Variants in DLC1 observed in about 807,000 individuals in gnomAD.
DLC1 encodes the protein rho GTPase-activating protein 7.
Under a neutral mutation model 140.3 loss-of-function variants are expected in DLC1, and 54 were observed. The ratio of observed to expected loss-of-function variants is 0.38; its 90% confidence interval spans 0.31 to 0.48. The LOEUF is 0.48. DLC1 is among the 20% of genes least tolerant of loss of function. The probability of loss-of-function intolerance (pLI) is 0.96; values close to 1 mark genes in which losing one functional copy is unlikely to be tolerated. For synonymous variants in DLC1, 986 were observed against 728.1 expected (o/e 1.35, Z -5.70); for missense variants, 2,536 against 1,907.0 (o/e 1.33, Z -6.14).
chr8:13,543,354 C>G (rs1169344149), intron 1 of DLC1, among the ~76,000 whole-genome samples: 1 of 152,050 alleles, frequency 6.6e-6, no homozygotes. Flanking sequence ...ATAGTTTAGA[C>G]CTAATAGCTA....
At chr8:13,168,368 A>G (rs985068075) in intron 5 of DLC1, among the ~76,000 whole-genome samples, 1 of 152,200 alleles carries the variant, frequency 6.6e-6, no homozygotes, top group Non-Finnish European at 1.5e-5. Flanking sequence ...ATCTCGTTCC[A>G]GTTGTACTTC....
At chr8:13,097,496 T>A (rs1349164828) in intron 10 of DLC1, among the ~76,000 whole-genome samples, 1 of 152,044 alleles carries the variant, frequency 6.6e-6, no homozygotes. Context: ...ACTCCTGGCG[T>A]CATGTGATCC....
intron 2 of DLC1, among the ~76,000 whole-genome samples, chr8:13,465,520 T>G (rs999698386): frequency 6.6e-5 from 10 of 152,152 alleles, no homozygotes; most frequent in African/African-American, 2.4e-4. Flanking sequence ...TATTTATTTA[T>G]TGTCAATATG....
intron 2 of DLC1, among the ~76,000 whole-genome samples, chr8:13,443,657 CA>C (rs11321891): frequency 0.054 from 3,640 of 66,938 alleles, 77 homozygotes; most frequent in African/African-American, 0.15. Flanking sequence ...GACTCCGTCT[CA>C]AAAAAAAAAA....
chr8:13,569,045 T>C (rs751286400), intron 1 of DLC1, among the ~76,000 whole-genome samples: 5 of 152,208 alleles, frequency 3.3e-5, no homozygotes, highest in Non-Finnish European at 5.9e-5. Flanking sequence ...TTTATGAACC[T>C]TCTGTTGTTC....
At chr8:13,369,707 C>T (rs890016245) in intron 4 of DLC1, among the ~76,000 whole-genome samples, 2 of 152,036 alleles carry the variant, frequency 1.3e-5, no homozygotes, top group African/African-American at 2.4e-5. Context: ...CTTCCTTGGT[C>T]CAGACACCAT....
At chr8:13,097,591 A>G (rs1009216284) in intron 10 of DLC1, among the ~76,000 whole-genome samples, 4 of 152,188 alleles carry the variant, frequency 2.6e-5, no homozygotes, top group Non-Finnish European at 5.9e-5. Flanking sequence ...ACAGGCATGA[A>G]TACGGTTATA....
At chr8:13,251,012 G>T (rs1252990647) in intron 5 of DLC1, among the ~76,000 whole-genome samples, 1 of 152,208 alleles carries the variant, frequency 6.6e-6, no homozygotes, top group East Asian at 1.9e-4. Flanking sequence ...TTTTCACAGT[G>T]CTGGACTTGA....
At chr8:13,176,301 G>T (rs545705037) in intron 5 of DLC1, among the ~76,000 whole-genome samples, 4 of 152,134 alleles carry the variant, frequency 2.6e-5, no homozygotes, top group Admixed American at 6.5e-5. Context: ...TCTTTTGTCC[G>T]GGTGTGGTGG....
At chr8:13,420,572 C>A (rs1349718414) in intron 2 of DLC1, among the ~76,000 whole-genome samples, 1 of 151,986 alleles carries the variant, frequency 6.6e-6, no homozygotes, top group Admixed American at 6.6e-5. Context: ...CCCCTCAACC[C>A]CTGACAGGCC....
At chr8:13,277,301 A>C (rs1396778630) in intron 5 of DLC1, among the ~76,000 whole-genome samples, 1 of 152,184 alleles carries the variant, frequency 6.6e-6, no homozygotes, top group Non-Finnish European at 1.5e-5. Flanking sequence ...GGACAGAGCA[A>C]GACCCTGTCT....
At chr8:13,351,163 G>C (rs964933560) in intron 4 of DLC1, among the ~76,000 whole-genome samples, 2 of 152,160 alleles carry the variant, frequency 1.3e-5, no homozygotes, top group African/African-American at 4.8e-5. Context: ...TATTTATTCA[G>C]CAAACATGTG....
intron 2 of DLC1, among the ~76,000 whole-genome samples, chr8:13,483,576 G>T (rs1800837711): frequency 6.6e-6 from 1 of 152,150 alleles, no homozygotes; most frequent in African/African-American, 2.4e-5. Context: ...GCAAGGGCAG[G>T]GAGGTGAGCT....
chr8:13,143,846 G>C (rs867263780), intron 5 of DLC1, among the ~76,000 whole-genome samples: 25 of 148,490 alleles, frequency 1.7e-4, no homozygotes, highest in Non-Finnish European at 2.3e-4. Flanking sequence ...GAGAGAGAGA[G>C]AGAGAGACAT....
intron 15 of DLC1, among the ~76,000 whole-genome samples, chr8:13,089,208 G>C (rs1817831725): frequency 6.6e-6 from 1 of 151,768 alleles, no homozygotes; most frequent in Non-Finnish European, 1.5e-5. Context: ...AGTGAGCTGA[G>C]ATCACACCAC....
At chr8:13,181,457 G>A (rs1258531726) in intron 5 of DLC1, among the ~76,000 whole-genome samples, 1 of 151,218 alleles carries the variant, frequency 6.6e-6, no homozygotes, top group Non-Finnish European at 1.5e-5. Flanking sequence ...ATTTATATTA[G>A]GTATTTCTCC....
chr8:13,553,203 C>CATATATATATATATAT (rs1201746846), intron 1 of DLC1, among the ~76,000 whole-genome samples: 3 of 68,026 alleles, frequency 4.4e-5, no homozygotes, highest in Non-Finnish European at 5.6e-5. Context: ...TGCCAGCTGT[C>CATATATATATATATAT]ATATATATAT....
chr8:13,587,542 T>TAC (rs1491278519), intron 1 of DLC1, among the ~76,000 whole-genome samples: 4 of 135,564 alleles, frequency 3.0e-5, no homozygotes, highest in African/African-American at 5.3e-5. Context: ...CAAATGTGAC[T>TAC]ATACACACAC....
chr8:13,579,972 C>G (rs940612692), intron 1 of DLC1, among the ~76,000 whole-genome samples: 1 of 152,068 alleles, frequency 6.6e-6, no homozygotes, highest in African/African-American at 2.4e-5. Flanking sequence ...AGCCTAGTAT[C>G]AGTCATGGAC....
Sources: gnomAD v4.1 joint callset for allele counts (sites outside exome capture counted in the v4.1 genomes callset) on GRCh38, gnomAD v4.1.1 for gene constraint, MANE v1.5 for transcripts, NCBI Gene and HGNC (gene_info 2026-07-23, HGNC 2026-07-21) for gene names.